Variants in PLCE1 observed in about 807,000 individuals in gnomAD.
The protein encoded by PLCE1 is phospholipase C epsilon 1, also known as 1-phosphatidylinositol 4,5-bisphosphate phosphodiesterase epsilon-1.
Under a neutral mutation model 242.8 loss-of-function variants are expected in PLCE1, and 119 were observed. The ratio of observed to expected loss-of-function variants is 0.49; its 90% CI spans 0.42 to 0.57. The LOEUF (loss-of-function observed/expected upper bound fraction) is 0.57. Ranked by LOEUF, PLCE1 falls within the 20% of genes least tolerant of loss-of-function variation. PLCE1 has a pLI of 0.00. For synonymous variants in PLCE1, 945 were observed against 1,017.4 expected (o/e 0.93, Z 1.35); for missense variants, 2,441 against 2,788.8 (o/e 0.88, Z 2.81).
intron 2 of PLCE1, among the ~76,000 whole-genome samples, chr10:94,110,061 T>TTTTC (rs1261623008): frequency 1.9e-5 from 2 of 104,242 alleles, no homozygotes; most frequent in Non-Finnish European, 4.1e-5. Flanking sequence ...CTTTTTTCTT[T>TTTTC]TTTTTTTTTT....
chr10:94,009,247 A>AGGG (rs1026490793), intron 1 of PLCE1, among the ~76,000 whole-genome samples: 8 of 152,082 alleles, frequency 5.3e-5, no homozygotes, highest in African/African-American at 1.9e-4. Context: ...GAGACAGAGA[A>AGGG]GGGGGAGGTC....
rs902924777 is a variant in PLCE1, at chr10:94,298,930, C to G, written c.5458+261C>G. Among the ~76,000 whole-genome samples, 1 of 152,100 alleles carries G rather than the reference C, an allele frequency of 6.6e-6. No individual in the cohort carries two copies. The highest frequency in any genetic ancestry group is 2.4e-5 in the African/African-American group (1 of 41,418). On this transcript the variant is annotated intron_variant, in intron 24 of 32. Coordinates refer to ENST00000371380, the MANE Select transcript of PLCE1 (RefSeq NM_016341.4). The surrounding 1 kb of genome is among the most constrained non-coding windows in gnomAD (Gnocchi z 5.2). ...CTTTTTTAATGCAGTTTTTCAAATA[C>G]CAAGCTGCTCTTGACAAAGCCATGC...
At chr10:94,097,440 C>T (rs570651890) in intron 2 of PLCE1, among the ~76,000 whole-genome samples, 1 of 152,280 alleles carries the variant, frequency 6.6e-6, no homozygotes, top group South Asian at 2.1e-4. Flanking sequence ...CCAATATTTA[C>T]TGTGCACCCA....
chr10:94,159,320 T>A (rs546416366), intron 3 of PLCE1, among the ~76,000 whole-genome samples: 1 of 152,296 alleles, frequency 6.6e-6, no homozygotes, highest in East Asian at 1.9e-4. Flanking sequence ...TAACAGATAA[T>A]AAGATAAAAT....
At chr10:94,204,213 G>A (rs538397338) in intron 4 of PLCE1, among the ~76,000 whole-genome samples, 11 of 152,240 alleles carry the variant, frequency 7.2e-5, no homozygotes, top group Admixed American at 5.9e-4. Context: ...AGGCAAAAAG[G>A]GTGATATGAT....
chr10:94,150,499 G>A (rs1334015714), intron 3 of PLCE1, among the ~76,000 whole-genome samples: 1 of 152,154 alleles, frequency 6.6e-6, no homozygotes, highest in Non-Finnish European at 1.5e-5. Flanking sequence ...TCCACTCAGA[G>A]GCACACCAAA....
chr10:94,052,880 C>T (rs545233922), intron 2 of PLCE1, among the ~76,000 whole-genome samples: 2 of 152,250 alleles, frequency 1.3e-5, no homozygotes, highest in Admixed American at 6.5e-5. Context: ...ATTTTTATTT[C>T]ATTATCCTCT....
At chr10:94,008,191 C>CAAAAAAAAAAAAAAAAAAAAAAAAAAAA (rs745999207) in intron 1 of PLCE1, among the ~76,000 whole-genome samples, 1 of 55,210 alleles carries the variant, frequency 1.8e-5, no homozygotes, top group African/African-American at 6.4e-5. Context: ...GACCTTGTCT[C>CAAAAAAAAAAAAAAAAAAAAAAAAAAAA]AAAAAAAAAA....
rs1278265755 is a variant in PLCE1, at chr10:94,031,873, T to C, written c.827T>C (p.Val276Ala). The C allele has an allele frequency of 1.9e-6, 3 of 1,613,886 alleles. No individual in the cohort carries two copies. The highest frequency in any genetic ancestry group is 8.5e-7 in the Non-Finnish European group (1 of 1,179,876). ...FEGSCEKVDM[V>A]YSGDSFCRKD... ...GGCTCTTGTGAGAAGGTTGACATGG[T>C]ATATTCAGGTGATAGCTTTTGTAGG... Residue 276 changes from valine to alanine, a missense_variant, in exon 2 of 33, where the codon GTA becomes GCA. Val to Ala is a moderately conservative substitution (Grantham distance 64). Transcript: ENST00000371380.
chr10:94,269,152 A>C (rs1044603281), intron 17 of PLCE1, 116 bp downstream of exon 17: 3 of 574,730 alleles, frequency 5.2e-6, no homozygotes, highest in Non-Finnish European at 8.9e-6. Context: ...TCCAGGCTGG[A>C]GTAGAGTGGT....
chr10:94,321,674 G>C (rs931512777), intron 29 of PLCE1, among the ~76,000 whole-genome samples: 3 of 150,786 alleles, frequency 2.0e-5, no homozygotes, highest in African/African-American at 7.3e-5. Flanking sequence ...CAGATAAATT[G>C]GCTTGTTATG....
intron 2 of PLCE1, among the ~76,000 whole-genome samples, chr10:94,055,551 C>T (rs1263406855): frequency 3.3e-5 from 5 of 152,164 alleles, no homozygotes; most frequent in Non-Finnish European, 7.3e-5. Context: ...CTCCTGACCT[C>T]AAGTGATCTG....
intron 4 of PLCE1, among the ~76,000 whole-genome samples, chr10:94,185,730 A>T (rs1398200358): frequency 1.3e-5 from 2 of 152,232 alleles, no homozygotes; most frequent in Non-Finnish European, 2.9e-5. Flanking sequence ...GTGCAGAATG[A>T]GAGATAAAGA....
At chr10:94,244,203 T>C (rs1007013425) in intron 7 of PLCE1, among the ~76,000 whole-genome samples, 11 of 152,134 alleles carry the variant, frequency 7.2e-5, no homozygotes, top group Non-Finnish European at 2.9e-5. Flanking sequence ...GGGACCATAG[T>C]CTAAACTGAG....
intron 2 of PLCE1, among the ~76,000 whole-genome samples, chr10:94,087,083 C>T (rs2044854314): frequency 6.6e-6 from 1 of 152,108 alleles, no homozygotes; most frequent in Admixed American, 6.5e-5. Flanking sequence ...CACAGTGGCT[C>T]ATGCCTGTAA....
At chr10:94,297,071 T>C (rs1297068250) in intron 23 of PLCE1, among the ~76,000 whole-genome samples, 1 of 152,164 alleles carries the variant, frequency 6.6e-6, no homozygotes, top group Non-Finnish European at 1.5e-5. Flanking sequence ...TTTCACCATG[T>C]TAGCCAGGCT....
At chr10:94,112,734 G>C (rs568373192) in intron 2 of PLCE1, among the ~76,000 whole-genome samples, 4 of 152,282 alleles carry the variant, frequency 2.6e-5, no homozygotes, top group Non-Finnish European at 5.9e-5. Flanking sequence ...CAGCCAGTTT[G>C]AGAACCACTG....
intron 2 of PLCE1, among the ~76,000 whole-genome samples, chr10:94,130,742 A>G (rs994486686): frequency 6.6e-6 from 1 of 152,238 alleles, no homozygotes; most frequent in African/African-American, 2.4e-5. Flanking sequence ...AGAGGAAGAC[A>G]GATAAAATCT....
intron 1 of PLCE1, among the ~76,000 whole-genome samples, chr10:94,015,156 C>T (rs1040591544): frequency 1.3e-5 from 2 of 152,168 alleles, no homozygotes; most frequent in African/African-American, 2.4e-5. Flanking sequence ...ATTATACACA[C>T]GAGGTGCTCA....
Sources: allele counts gnomAD v4.1 joint callset (sites outside exome capture counted in the v4.1 genomes callset), GRCh38; gene constraint gnomAD v4.1.1; non-coding constraint Gnocchi (gnomAD v3.1); transcripts MANE v1.5; gene names NCBI Gene and HGNC (gene_info 2026-07-23, HGNC 2026-07-21).